ITGA4: variants seen among roughly 807,000 people sequenced by gnomAD.
ITGA4 encodes the protein integrin alpha-4.
In ITGA4, 63 loss-of-function variants were observed where a neutral mutation model predicts 133.6. The observed-to-expected ratio is 0.47, with a 90% CI of 0.38 to 0.58. The LOEUF (loss-of-function observed/expected upper bound fraction) is 0.58, where lower values mean the gene tolerates loss of function less well. Ranked by LOEUF, ITGA4 falls within the 20% of genes least tolerant of loss-of-function variation. The pLI is 0.00. For synonymous variants in ITGA4, 483 were observed against 438.0 expected, an observed-to-expected ratio of 1.10 and a Z score of -1.28; for missense variants, 1,076 against 1,252.7, an observed-to-expected ratio of 0.86 and a Z score of 2.13.
Position 181,480,279 on chromosome 2 carries a change from T to C in ITGA4, c.754+13T>C. On this transcript the variant is annotated intron_variant, in intron 6 of 27. Transcript: ENST00000397033. The stretch of plus-strand genomic sequence containing the variant: ...GGAAGTTATTTAGGTACTATAAAAA[T>C]TGACAAACTTAAATGATCTGTGCCT... 1 of 1,344,832 alleles carries C rather than the reference T, an allele frequency of 7.4e-7. No homozygotes were observed. The highest frequency in any genetic ancestry group is 1.0e-6 in the Non-Finnish European group (1 of 994,046). 83.3% of individuals were successfully genotyped at this position (1,344,832 alleles called of 1,614,324 possible).
Position 181,511,709 on chromosome 2 carries a change from C to T in ITGA4, c.1856C>T (p.Ala619Val). Residue 619 changes from alanine (A) to valine (V), a missense_variant, in exon 17 of 28, where the codon GCA becomes GTA. This residue lies in a region of ITGA4 where 365 missense variants were observed against 421.4 expected (regional missense o/e 0.87). Coordinates refer to ENST00000397033, the MANE Select transcript of ITGA4 (RefSeq NM_000885.6). ...KDIMKKTINF[A>V]RFCAHENCSA... ...TCTTTTTATTTCCAGATAAACTTTG[C>T]AAGGTTTTGTGCCCATGAAAATTGT... 2 of 1,581,842 alleles carry T rather than the reference C, an allele frequency of 1.3e-6. No homozygotes were observed. Among genetic ancestry groups the T allele is most frequent in the South Asian group, 1.1e-5 (1 of 88,880 alleles).
chr2:181,512,107 G>A (rs1290330244), intron 17 of ITGA4, among the ~76,000 whole-genome samples: 1 of 152,042 alleles, frequency 6.6e-6, no homozygotes, highest in Admixed American at 6.6e-5. Context: ...GTTGGTTGCT[G>A]TCGTTATTTT....
At chr2:181,462,051 G>A (rs1685294094) in intron 2 of ITGA4, among the ~76,000 whole-genome samples, 1 of 151,764 alleles carries the variant, frequency 6.6e-6, no homozygotes, top group Non-Finnish European at 1.5e-5. Context: ...TTTTCATGTG[G>A]CTATTATAAA....
intron 15 of ITGA4, 192 bp downstream of exon 15, chr2:181,498,969 T>A: frequency 1.4e-6 from 1 of 710,750 alleles, no homozygotes; most frequent in Non-Finnish European, 1.7e-6. Context: ...TCTTATTGTA[T>A]CATCCTTTTT....
intron 4 of ITGA4, chr2:181,475,914 CTA>C: frequency 1.3e-6 from 2 of 1,530,208 alleles, no homozygotes; most frequent in Admixed American, 2.0e-5. Context: ...TGCAGCAAAA[CTA>C]AAATCCAACA....
intron 4 of ITGA4, among the ~76,000 whole-genome samples, chr2:181,477,082 TTATC>T (rs1366746865): frequency 6.6e-6 from 1 of 152,094 alleles, no homozygotes; most frequent in Non-Finnish European, 1.5e-5. Context: ...AACACGCAAT[TTATC>T]TATGCAACAA....
At position 181,538,189 on chromosome 2, in the gene ITGA4, T is replaced by G. The variant is rs755723305; in HGVS notation, c.*2662T>G. 3.2e-6 allele frequency: 5 copies of G among 1,567,982 alleles called. No homozygotes were observed. The highest frequency in any genetic ancestry group is 4.4e-6 in the Non-Finnish European group (5 of 1,139,532). ...CTTTTAGAAACAATTACATGTTACT[T>G]TGGAATCATTTCTTCCATGCTTCCT... is the stretch of plus-strand genomic sequence containing the variant. On this transcript the variant is annotated 3_prime_UTR_variant, in exon 28 of 28. Coordinates refer to ENST00000397033, the MANE Select transcript of ITGA4 (RefSeq NM_000885.6).
chr2:181,523,373 A>AC lies in ITGA4; in HGVS notation c.2074-64_2074-63insC. On this transcript the variant is annotated intron_variant, in intron 18 of 27. Coordinates refer to ENST00000397033, the MANE Select transcript of ITGA4 (RefSeq NM_000885.6). The surrounding 1 kb of genome is among the most constrained non-coding windows in gnomAD (Gnocchi z 4.2). ...ATATTCTTTTCAATAACCATCCTTA[A>AC]ACATATGTTACAAACTTTTTATTTC... The AC allele has an allele frequency of 2.1e-6, 2 of 932,412 alleles. No homozygotes were observed. The highest frequency in any genetic ancestry group is 3.5e-6 in the Non-Finnish European group (2 of 566,826). The allele number at this position is 932,412 out of a possible 1,614,324, so 57.8% of individuals were successfully genotyped here.
Position 181,532,363 on chromosome 2 carries a change from G to A in ITGA4, c.2784+587G>A, listed in dbSNP as rs576012487. Among the ~76,000 whole-genome samples, 132 of 152,216 alleles carry A rather than the reference G, an allele frequency of 8.7e-4. 1 individual carries two copies. The Middle Eastern group carries it at 0.01, about 12-fold the overall frequency. On this transcript the variant is annotated intron_variant, in intron 25 of 27. Coordinates refer to ENST00000397033, the MANE Select transcript of ITGA4 (RefSeq NM_000885.6). ...CTTTGGGCAGTATGGCCATTTTCAC[G>A]ATATTGATTCTTCCTATCCATGAGC... is the stretch of plus-strand genomic sequence containing the variant.
intron 10 of ITGA4, among the ~76,000 whole-genome samples, chr2:181,489,716 GC>G (rs11300721): frequency 0.013 from 2,019 of 152,200 alleles, 62 homozygotes; most frequent in African/African-American, 0.046. Flanking sequence ...CGATTACATA[GC>G]GATCAAGTCA....
chr2:181,508,812 C>T (rs191506852), intron 15 of ITGA4, among the ~76,000 whole-genome samples: 169 of 151,898 alleles, frequency 1.1e-3, no homozygotes, highest in African/African-American at 3.7e-3. Flanking sequence ...ATATACCATT[C>T]AGTATCTGTT....
chr2:181,474,221 T>G (rs1685622207), intron 2 of ITGA4, among the ~76,000 whole-genome samples: 1 of 152,332 alleles, frequency 6.6e-6, no homozygotes, highest in Middle Eastern at 3.4e-3. Flanking sequence ...AAAATAATGA[T>G]CACTGTGAAG....
intron 17 of ITGA4, among the ~76,000 whole-genome samples, chr2:181,517,445 T>C (rs1574407820): frequency 6.6e-6 from 1 of 152,088 alleles, no homozygotes; most frequent in South Asian, 2.1e-4. Context: ...ACTTATTAAG[T>C]TATGATTCTG....
chr2:181,483,121 C>T (rs1685842967), intron 9 of ITGA4, among the ~76,000 whole-genome samples: 1 of 152,048 alleles, frequency 6.6e-6, no homozygotes, highest in South Asian at 2.1e-4. Context: ...TTTGTTAAAA[C>T]ATTAATTTTC....
intron 5 of ITGA4, 98 bp from the exon 6 acceptor site, chr2:181,480,039 T>C (rs1321733634): frequency 1.3e-6 from 1 of 744,240 alleles, no homozygotes. Flanking sequence ...AGGAATTGAT[T>C]ATTATAAAAA....
chr2:181,528,889 C>A (rs529781867), intron 22 of ITGA4, among the ~76,000 whole-genome samples: 1 of 152,302 alleles, frequency 6.6e-6, no homozygotes, highest in Admixed American at 6.5e-5. Flanking sequence ...AATTTATCAT[C>A]CTCTTATGCA....
At chr2:181,478,878 T>G in intron 5 of ITGA4, 54 bp downstream of exon 5, 1 of 885,606 alleles carries the variant, frequency 1.1e-6, no homozygotes, top group Non-Finnish European at 1.6e-6. Flanking sequence ...ATCTTAATTC[T>G]TCTCATGGTT....
chr2:181,482,655 T>C lies in ITGA4; in HGVS notation c.1041+4T>C. On this transcript the variant is annotated splice_donor_region_variant and intron_variant, in intron 9 of 27. Coordinates refer to ENST00000397033, the MANE Select transcript of ITGA4 (RefSeq NM_000885.6). Reference sequence around the variant, plus strand: ...TGTGTACATCAACTCTGGCTCGGTATGTCCAAGTGCCCCAACTGGAAGCCA... The same window carrying C: ...TGTGTACATCAACTCTGGCTCGGTACGTCCAAGTGCCCCAACTGGAAGCCA... The C allele has an allele frequency of 6.2e-7, 1 of 1,613,130 alleles. No individual in the cohort carries two copies. The highest frequency in any genetic ancestry group is 8.5e-7 in the Non-Finnish European group (1 of 1,179,336).
rs752738000 is a variant in ITGA4, at chr2:181,537,387, G to C, written c.*1860G>C. On this transcript the variant is annotated 3_prime_UTR_variant, in exon 28 of 28. Coordinates refer to ENST00000397033, the MANE Select transcript of ITGA4 (RefSeq NM_000885.6). ...GGGAACACAATTACATATTGGGCTAGATTTTGCCCAGTTCAAAATAGTATT... is the reference window on the plus strand; with the variant it reads ...GGGAACACAATTACATATTGGGCTACATTTTGCCCAGTTCAAAATAGTATT... The C allele has an allele frequency of 2.2e-6, 1 of 452,982 alleles. No homozygotes were observed. Among genetic ancestry groups the C allele is most frequent in the South Asian group, 1.6e-5 (1 of 64,420 alleles). The allele number at this position is 452,982 out of a possible 1,614,324, so 28.1% of individuals were successfully genotyped here.
Sources: allele counts gnomAD v4.1 joint callset (sites outside exome capture counted in the v4.1 genomes callset), GRCh38; gene constraint gnomAD v4.1.1; regional missense constraint gnomAD v4.1.1; non-coding constraint Gnocchi (gnomAD v3.1); transcripts MANE v1.5; gene names NCBI Gene and HGNC (gene_info 2026-07-23, HGNC 2026-07-21).